ATXN1: variants seen among roughly 807,000 people sequenced by gnomAD.
ATXN1 encodes the protein ataxin-1.
In ATXN1, 8 loss-of-function variants were observed where a neutral mutation model predicts 56.4. The ratio of observed to expected loss-of-function variants is 0.14; its 90% CI spans 0.08 to 0.26. The LOEUF (loss-of-function observed/expected upper bound fraction) is 0.26. ATXN1 is among the 10% of genes least tolerant of loss of function. ATXN1 has a pLI of 1.00. For synonymous variants in ATXN1, 514 were observed against 494.6 expected, an observed-to-expected ratio of 1.04 and a Z score of -0.52; for missense variants, 987 against 1,106.5, an observed-to-expected ratio of 0.89 and a Z score of 1.53.
rs1760251925 is a variant in ATXN1, at chr6:16,306,427, T to G, written c.2350A>C (p.Lys784Gln). 1 of 1,614,154 alleles carries G rather than the reference T, an allele frequency of 6.2e-7. No homozygotes were observed. Among genetic ancestry groups the G allele is most frequent in the Middle Eastern group, 1.6e-4 (1 of 6,062 alleles). Residue 784 changes from lysine (K) to glutamine (Q), a missense_variant, in exon 8 of 8, where the codon AAG becomes CAG. By Grantham distance (53) the Lys-to-Gln change is moderately conservative. Transcript: ENST00000436367. The surrounding 1 kb of genome is among the most constrained non-coding windows in gnomAD (Gnocchi z 5.2). ...WSAPESRKLE[K>Q]SEDEPPLTLP... ...GTCAAAGGTGGTTCGTCTTCTGACT[T>G]CTCCAGTTTGCGGCTCTCTGGCGCC... is the stretch of plus-strand genomic sequence containing the variant.
At chr6:16,527,469 C>T (rs1307300650) in intron 4 of ATXN1, among the ~76,000 whole-genome samples, 1 of 152,098 alleles carries the variant, frequency 6.6e-6, no homozygotes, top group Non-Finnish European at 1.5e-5. Flanking sequence ...ATACTGGCTG[C>T]AAAATCCCAG....
intron 3 of ATXN1, among the ~76,000 whole-genome samples, chr6:16,657,288 A>G (rs1441624541): frequency 6.6e-6 from 1 of 152,150 alleles, no homozygotes; most frequent in Non-Finnish European, 1.5e-5. Context: ...CACCCAGCCC[A>G]GTATTATAAT....
chr6:16,685,835 G>T (rs6903850), intron 2 of ATXN1, among the ~76,000 whole-genome samples: 26,111 of 151,964 alleles, frequency 0.17, 2,480 homozygotes, highest in Admixed American at 0.22. Flanking sequence ...TCATTTTATC[G>T]TTCAATAAAT....
At chr6:16,625,835 G>A (rs12665284) in intron 3 of ATXN1, among the ~76,000 whole-genome samples, 22,051 of 152,080 alleles carry the variant, frequency 0.14, 1,728 homozygotes, top group Admixed American at 0.19. Context: ...TTTGGAATGA[G>A]AATAGTGATC....
chr6:16,587,271 A>G (rs1762642143), intron 3 of ATXN1, among the ~76,000 whole-genome samples: 2 of 152,242 alleles, frequency 1.3e-5, no homozygotes, highest in African/African-American at 2.4e-5. Flanking sequence ...CGTCCTGCCT[A>G]AGCGGCTAAA....
intron 4 of ATXN1, among the ~76,000 whole-genome samples, chr6:16,547,030 G>A (rs962803853): frequency 6.6e-5 from 10 of 152,168 alleles, no homozygotes; most frequent in Non-Finnish European, 1.0e-4. Flanking sequence ...GAAAGAACAG[G>A]CAAGCCCAAG....
chr6:16,627,115 G>A (rs1380344467), intron 3 of ATXN1, among the ~76,000 whole-genome samples: 1 of 152,126 alleles, frequency 6.6e-6, no homozygotes, highest in Non-Finnish European at 1.5e-5. Flanking sequence ...TGGCAGCAAC[G>A]GTACTGGAAC....
At chr6:16,369,000 A>G (rs1302224910) in intron 6 of ATXN1, among the ~76,000 whole-genome samples, 4 of 152,224 alleles carry the variant, frequency 2.6e-5, no homozygotes. Flanking sequence ...CACTCTCTGA[A>G]ACTAATGGAT....
chr6:16,383,901 G>A (rs377074801), intron 6 of ATXN1, among the ~76,000 whole-genome samples: 91 of 152,284 alleles, frequency 6.0e-4, no homozygotes, highest in African/African-American at 2.1e-3. Context: ...GGAATTATCC[G>A]TGTAAAGAGA....
intron 6 of ATXN1, among the ~76,000 whole-genome samples, chr6:16,468,242 G>C (rs1194728163): frequency 6.6e-6 from 1 of 152,172 alleles, no homozygotes; most frequent in Non-Finnish European, 1.5e-5. Context: ...CTGGAGTGCA[G>C]TGGCACGATC....
At chr6:16,480,815 C>T (rs1266496812) in intron 6 of ATXN1, among the ~76,000 whole-genome samples, 2 of 152,132 alleles carry the variant, frequency 1.3e-5, no homozygotes, top group East Asian at 1.9e-4. Flanking sequence ...TCCTCCTCCT[C>T]TCCAAGATGC....
chr6:16,494,277 G>C (rs1760730074), intron 5 of ATXN1, among the ~76,000 whole-genome samples: 1 of 152,140 alleles, frequency 6.6e-6, no homozygotes, highest in Admixed American at 6.5e-5. Flanking sequence ...TGCGTTCCCT[G>C]TTCAGTCAAC....
At chr6:16,504,826 T>C (rs1397189212) in intron 5 of ATXN1, among the ~76,000 whole-genome samples, 1 of 152,128 alleles carries the variant, frequency 6.6e-6, no homozygotes, top group Non-Finnish European at 1.5e-5. Context: ...CTGACGTGCT[T>C]CCTGCACCAA....
In ATXN1 at chr6:16,306,607, C is replaced by T; in HGVS notation, c.2170G>A (p.Ala724Thr). The T allele has an allele frequency of 6.2e-7, 1 of 1,614,264 alleles. No homozygotes were observed. The highest frequency in any genetic ancestry group is 1.1e-5 in the South Asian group (1 of 91,088). Residue 724 changes from alanine (A) to threonine (T), a missense_variant, in exon 8 of 8, where the codon GCC (alanine) becomes ACC (threonine). By Grantham distance (58) the Ala-to-Thr change is moderately conservative (BLOSUM62 0). Around this residue, in one of 3 missense-constraint regions of ATXN1, gnomAD observed 196 missense variants for 196.7 expected, o/e 1.00. Coordinates refer to ENST00000436367, the MANE Select transcript of ATXN1 (RefSeq NM_001128164.2). The surrounding 1 kb of genome is among the most constrained non-coding windows in gnomAD (Gnocchi z 5.2). ...DGLAGSRHRY[A>T]EQENGINQGS... The stretch of plus-strand genomic sequence containing the variant: ...TGGTTGATTCCGTTTTCCTGCTCGG[C>T]ATACCTGTGTCTGCTGCCCGCCAGG...
At chr6:16,529,163 A>G (rs1239030507) in intron 4 of ATXN1, among the ~76,000 whole-genome samples, 3 of 146,790 alleles carry the variant, frequency 2.0e-5, no homozygotes, top group Non-Finnish European at 4.4e-5. Context: ...TGGACAACAC[A>G]TCAAGACTCT....
intron 3 of ATXN1, among the ~76,000 whole-genome samples, chr6:16,602,215 C>T (rs1364104037): frequency 6.6e-6 from 1 of 152,082 alleles, no homozygotes; most frequent in African/African-American, 2.4e-5. Flanking sequence ...CTAGGTGCCT[C>T]CCCATTGGGC....
At position 16,370,205 on chromosome 6, in the gene ATXN1, G is replaced by C. The variant is rs538603681; in HGVS notation, c.-160-41735C>G. 4.6e-5 allele frequency among the ~76,000 whole-genome samples: 7 copies of C among 152,288 alleles called. No individual in the cohort carries two copies. In the East Asian group the frequency reaches 1.3e-3, roughly 29 times the overall value. ...TAAGTGATGTTCTCCAGGCGACCCCGACAGAGCCTGGCAGGGCTGCTGCTT... is the reference window on the plus strand; with the variant it reads ...TAAGTGATGTTCTCCAGGCGACCCCCACAGAGCCTGGCAGGGCTGCTGCTT... On this transcript the variant is annotated intron_variant, in intron 6 of 7. Coordinates refer to ENST00000436367, the MANE Select transcript of ATXN1 (RefSeq NM_001128164.2).
Position 16,749,596 on chromosome 6 carries a change from T to C in ATXN1, c.-615+3637A>G, listed in dbSNP as rs558208331. Among the ~76,000 whole-genome samples the C allele has an allele frequency of 3.3e-5, 5 of 152,270 alleles. No homozygotes were observed. The South Asian group carries it at 1.0e-3, about 32-fold the overall frequency. ...TGCCTGAGCTGCAGAAGAGTCCTTA[T>C]GGCCCACGCATACATCACCCAACTC... On this transcript the variant is annotated intron_variant, in intron 2 of 7. Transcript: ENST00000436367.
At chr6:16,565,038 A>T (rs893274528) in intron 4 of ATXN1, among the ~76,000 whole-genome samples, 1 of 152,190 alleles carries the variant, frequency 6.6e-6, no homozygotes, top group Non-Finnish European at 1.5e-5. Context: ...TTCCAGGTGG[A>T]TGCCAGAGGA....
Sources: gnomAD v4.1 joint callset for allele counts (sites outside exome capture counted in the v4.1 genomes callset) on GRCh38, gnomAD v4.1.1 for gene constraint, gnomAD v4.1.1 regional missense constraint, Gnocchi (gnomAD v3.1) non-coding constraint, MANE v1.5 for transcripts, NCBI Gene and HGNC (gene_info 2026-07-23, HGNC 2026-07-21) for gene names.